ZNF407: variants seen among roughly 807,000 people sequenced by gnomAD.
ZNF407 encodes the protein zinc finger protein 407.
Under a neutral mutation model 131.2 loss-of-function variants are expected in ZNF407, and 17 were observed. That is an observed-to-expected ratio of 0.13 (90% CI 0.09 to 0.19). The LOEUF (loss-of-function observed/expected upper bound fraction) is 0.19, where lower values mean the gene tolerates loss of function less well. Among genes scored for constraint, ZNF407 ranks in the 10% least tolerant of loss-of-function variants. ZNF407 has a pLI of 1.00. For synonymous variants in ZNF407, 1,156 were observed against 1,062.0 expected (o/e 1.09, Z -1.72); for missense variants, 2,681 against 2,830.6 (o/e 0.95, Z 1.20).
intron 8 of ZNF407, among the ~76,000 whole-genome samples, chr18:74,985,585 C>T (rs1032912304): frequency 1.3e-5 from 2 of 152,084 alleles, no homozygotes; most frequent in South Asian, 2.1e-4. Context: ...TGTTAAAATT[C>T]GGAATTAAGA....
rs533637217 is a variant in ZNF407, at chr18:74,808,017, A to AT, written c.4877+26528dup. Among the ~76,000 whole-genome samples the AT allele has an allele frequency of 3.6e-3, 524 of 144,282 alleles. 1 individual carries two copies. Among genetic ancestry groups the AT allele is most frequent in the Middle Eastern group, 7.2e-3 (2 of 276 alleles). 94.7% of individuals were successfully genotyped at this position (144,282 alleles called of 152,430 possible). A position where few individuals can be genotyped will look rare whatever the true frequency, so the allele number is the denominator to read the frequency against. On this transcript the variant is annotated intron_variant, in intron 4 of 8. Coordinates refer to ENST00000299687, the MANE Select transcript of ZNF407 (RefSeq NM_017757.3). Reference sequence around the variant, plus strand: ...ACAGGAGTATGCCACAGCACCTCACATTTTTTTTTTTTTGAGACAGAGTTT... The same window carrying AT: ...ACAGGAGTATGCCACAGCACCTCACATTTTTTTTTTTTTTGAGACAGAGTTT...
intron 1 of ZNF407, among the ~76,000 whole-genome samples, chr18:74,617,892 T>A (rs2144633685): frequency 6.6e-6 from 1 of 152,358 alleles, no homozygotes; most frequent in South Asian, 2.1e-4. Context: ...TGATTCTTGC[T>A]TGATATGGTC....
intron 3 of ZNF407, among the ~76,000 whole-genome samples, chr18:74,726,213 A>T (rs995042559): frequency 6.6e-6 from 1 of 151,988 alleles, no homozygotes; most frequent in African/African-American, 2.4e-5. Flanking sequence ...AAGCTCTTAG[A>T]TGTATGTAGA....
intron 3 of ZNF407, among the ~76,000 whole-genome samples, chr18:74,716,031 G>C (rs1036135027): frequency 3.3e-5 from 5 of 152,210 alleles, no homozygotes; most frequent in African/African-American, 9.6e-5. Flanking sequence ...GATCAGGAAA[G>C]GGTGCTGGGT....
intron 4 of ZNF407, among the ~76,000 whole-genome samples, chr18:74,790,711 A>G (rs17832309): frequency 0.17 from 26,122 of 152,056 alleles, 2,594 homozygotes; most frequent in Non-Finnish European, 0.23. Context: ...CTAATTACCA[A>G]CTTGGATACA....
intron 1 of ZNF407, among the ~76,000 whole-genome samples, chr18:74,623,883 A>T (rs1471701879): frequency 2.0e-5 from 3 of 152,230 alleles, no homozygotes; most frequent in Middle Eastern, 3.4e-3. Context: ...GGTAAGATGG[A>T]TACTTGGGGA....
chr18:74,818,156 G>A (rs1246060625), intron 4 of ZNF407, among the ~76,000 whole-genome samples: 3 of 152,154 alleles, frequency 2.0e-5, no homozygotes, highest in African/African-American at 4.8e-5. Context: ...TGCTGTGCAC[G>A]TTTGGTGAGT....
At chr18:74,821,856 A>C (rs1970345379) in intron 4 of ZNF407, among the ~76,000 whole-genome samples, 1 of 152,212 alleles carries the variant, frequency 6.6e-6, no homozygotes, top group Non-Finnish European at 1.5e-5. Flanking sequence ...ACTGTCTTCC[A>C]CAATGGTTGA....
At chr18:74,930,801 C>T (rs1045609343) in intron 8 of ZNF407, among the ~76,000 whole-genome samples, 14 of 152,196 alleles carry the variant, frequency 9.2e-5, no homozygotes, top group African/African-American at 2.7e-4. Context: ...ACTTTTCAGG[C>T]ACCACAGTGT....
In ZNF407 at chr18:74,635,362, T is replaced by C. The variant is rs1214363045; in HGVS notation, c.4343T>C (p.Leu1448Pro). ...AAAGAGAAGCACTTCCATTGTTTAC[T>C]CTGTGGAAAGTCGTTCTATACCGAA... ...PTKEKHFHCL[L>P]CGKSFYTESN... The change falls in exon 2 of 9, where the codon CTC becomes CCC. Residue 1448 changes from leucine to proline, a missense_variant. Leu to Pro is a moderately conservative substitution (Grantham distance 98). Coordinates refer to ENST00000299687, the MANE Select transcript of ZNF407 (RefSeq NM_017757.3). This position sits in a 1 kb window ranked among gnomAD's most constrained non-coding sequence, Gnocchi z 4.7. 8.7e-6 allele frequency: 14 copies of C among 1,613,894 alleles called. No homozygotes were observed. In the African/African-American group the frequency reaches 1.7e-4, roughly 20 times the overall value.
chr18:74,969,751 G>A (rs1277971513), intron 8 of ZNF407, among the ~76,000 whole-genome samples: 1 of 152,282 alleles, frequency 6.6e-6, no homozygotes, highest in African/African-American at 2.4e-5. Flanking sequence ...TTTTCCACAC[G>A]GACCTTGGGG....
intron 4 of ZNF407, among the ~76,000 whole-genome samples, chr18:74,873,716 A>G (rs1971118474): frequency 6.6e-6 from 1 of 151,950 alleles, no homozygotes; most frequent in Admixed American, 6.6e-5. Flanking sequence ...GGCTCTTAAA[A>G]AAAAAAAAAA....
At chr18:74,751,929 T>C (rs951067683) in intron 3 of ZNF407, among the ~76,000 whole-genome samples, 6 of 152,184 alleles carry the variant, frequency 3.9e-5, no homozygotes, top group Non-Finnish European at 7.3e-5. Context: ...TAGTTCTAGA[T>C]CCCTGAGGAA....
At chr18:75,011,082 G>C (rs1248321956) in intron 8 of ZNF407, among the ~76,000 whole-genome samples, 1 of 152,102 alleles carries the variant, frequency 6.6e-6, no homozygotes, top group African/African-American at 2.4e-5. Context: ...TTGAAAAGCT[G>C]AGTCTTATTT....
intron 8 of ZNF407, among the ~76,000 whole-genome samples, chr18:75,036,295 A>G (rs1026563804): frequency 6.6e-6 from 1 of 152,204 alleles, no homozygotes; most frequent in African/African-American, 2.4e-5. Context: ...TACAAAAATA[A>G]AACGATGTTC....
chr18:75,028,678 C>T (rs1973200238), intron 8 of ZNF407, among the ~76,000 whole-genome samples: 1 of 152,212 alleles, frequency 6.6e-6, no homozygotes, highest in African/African-American at 2.4e-5. Flanking sequence ...GATAGAAGGG[C>T]AGGGTGTGGG....
intron 8 of ZNF407, among the ~76,000 whole-genome samples, chr18:75,034,936 C>G (rs556652278): frequency 7.6e-4 from 116 of 152,262 alleles, no homozygotes; most frequent in African/African-American, 2.6e-3. Flanking sequence ...ACAGTTTGTG[C>G]TGCCATTTAA....
intron 8 of ZNF407, among the ~76,000 whole-genome samples, chr18:74,940,306 G>A (rs753642658): frequency 2.6e-5 from 4 of 152,104 alleles, no homozygotes; most frequent in Admixed American, 6.5e-5. Flanking sequence ...GGAGCTTTGC[G>A]GGGGCACTGA....
At chr18:74,694,158 A>AT (rs1183393746) in intron 3 of ZNF407, among the ~76,000 whole-genome samples, 8 of 151,758 alleles carry the variant, frequency 5.3e-5, no homozygotes, top group South Asian at 2.1e-4. Flanking sequence ...AGAATGTTGG[A>AT]TTTTTTTCCT....
Sources: allele counts gnomAD v4.1 joint callset (sites outside exome capture counted in the v4.1 genomes callset), GRCh38; gene constraint gnomAD v4.1.1; non-coding constraint Gnocchi (gnomAD v3.1); transcripts MANE v1.5; gene names NCBI Gene and HGNC (gene_info 2026-07-23, HGNC 2026-07-21).